DCAF17: variants seen among roughly 807,000 people sequenced by gnomAD.
DCAF17 encodes the protein DDB1- and CUL4-associated factor 17.
A neutral mutation model predicts 66.0 loss-of-function variants in DCAF17; 48 were observed. The ratio of observed to expected loss-of-function variants is 0.73; its 90% CI spans 0.58 to 0.92. The LOEUF is 0.92. DCAF17 is among the 40% of genes least tolerant of loss of function. The pLI is 0.00. For missense variants in DCAF17, 562 were observed against 622.8 expected (o/e 0.90, Z 1.04); for synonymous variants, 206 against 214.6 (o/e 0.96, Z 0.35).
At position 171,443,674 on chromosome 2, in the gene DCAF17, T is replaced by C. The variant is rs77284169; in HGVS notation, c.321+61T>C. On this transcript the variant is annotated intron_variant, in intron 3 of 13. Coordinates refer to ENST00000375255, the MANE Select transcript of DCAF17 (RefSeq NM_025000.4). ...ATTTTTAGCCTAGAAGAACCAGTTA[T>C]TATTAACATATTGCATAAAATAATA... is the stretch of plus-strand genomic sequence containing the variant. The C allele has an allele frequency of 1.2e-4, 167 of 1,354,322 alleles. No homozygotes were observed. In the African/African-American group the frequency reaches 2.0e-3, roughly 16 times the overall value. 83.9% of individuals were successfully genotyped at this position (1,354,322 alleles called of 1,614,324 possible).
chr2:171,434,470 G>T lies in DCAF17; in HGVS notation c.-108G>T, dbSNP rs993244003. On this transcript the variant is annotated 5_prime_UTR_variant, in exon 1 of 14. Coordinates refer to ENST00000375255, the MANE Select transcript of DCAF17 (RefSeq NM_025000.4). ...GTGTCAGCTTTCCCTGGGCCCCGCC[G>T]GGAAAGTCTGGGCCTCGAAATTCGA... is the stretch of plus-strand genomic sequence containing the variant. 1.3e-6 allele frequency: 2 copies of T among 1,512,340 alleles called. No individual in the cohort carries two copies. Among genetic ancestry groups the T allele is most frequent in the Middle Eastern group, 2.3e-4 (1 of 4,296 alleles). The allele number at this position is 1,512,340 out of a possible 1,614,324, so 93.7% of individuals were successfully genotyped here. A position where few individuals can be genotyped will look rare whatever the true frequency, so the allele number is the denominator to read the frequency against.
intron 3 of DCAF17, among the ~76,000 whole-genome samples, chr2:171,446,812 A>G (rs1694651671): frequency 6.6e-6 from 1 of 152,188 alleles, no homozygotes. Flanking sequence ...TTTTAGACAT[A>G]TTGAGAAAAT....
At chr2:171,474,649 C>G (rs1346292873) in intron 10 of DCAF17, among the ~76,000 whole-genome samples, 2 of 152,138 alleles carry the variant, frequency 1.3e-5, no homozygotes, top group Non-Finnish European at 2.9e-5. Flanking sequence ...CAGCCTCAAC[C>G]TCTCATCTAA....
rs977794513 is a variant in DCAF17, at chr2:171,477,795, G to A, written c.1183-192G>A. 7.9e-5 allele frequency among the ~76,000 whole-genome samples: 12 copies of A among 152,166 alleles called. No homozygotes were observed. In the South Asian group the frequency reaches 8.3e-4, roughly 10 times the overall value. On this transcript the variant is annotated intron_variant, in intron 11 of 13. Transcript: ENST00000375255. ...CGCACCACGGCACTCCAGCCTAGGC[G>A]ACAGAATGAGACCCTGTCTCAAAAT...
Position 171,484,857 on chromosome 2 carries a change from T to C in DCAF17, c.*3743T>C. ...GAAATTATACAAAATGTAATGCTTC[T>C]TTCACTTAGCATAATGTTTTTGAGA... On this transcript the variant is annotated 3_prime_UTR_variant, in exon 14 of 14. Coordinates refer to ENST00000375255, the MANE Select transcript of DCAF17 (RefSeq NM_025000.4). The C allele has an allele frequency of 2.2e-6, 1 of 454,028 alleles. No individual in the cohort carries two copies. The highest frequency in any genetic ancestry group is 1.6e-5 in the South Asian group (1 of 64,430). The allele number at this position is 454,028 out of a possible 1,614,324, so 28.1% of individuals were successfully genotyped here.
At chr2:171,462,527 A>G (rs1043503307) in intron 8 of DCAF17, among the ~76,000 whole-genome samples, 2 of 152,232 alleles carry the variant, frequency 1.3e-5, no homozygotes, top group Non-Finnish European at 2.9e-5. Flanking sequence ...ATCTCTTCAG[A>G]TTCTTAAATA....
intron 2 of DCAF17, among the ~76,000 whole-genome samples, chr2:171,441,664 G>A (rs1270732799): frequency 6.6e-6 from 1 of 152,246 alleles, no homozygotes; most frequent in African/African-American, 2.4e-5. Flanking sequence ...GGCTGCACCA[G>A]TCTGGAGTGG....
intron 8 of DCAF17, among the ~76,000 whole-genome samples, chr2:171,467,620 C>T (rs1303802106): frequency 6.7e-6 from 1 of 149,478 alleles, no homozygotes; most frequent in Non-Finnish European, 1.5e-5. Flanking sequence ...CTGTGTAATA[C>T]TTAGGAGGCT....
chr2:171,443,633 C>A lies in DCAF17; in HGVS notation c.321+20C>A, dbSNP rs202131890. 1.0e-5 allele frequency: 16 copies of A among 1,592,002 alleles called. No individual in the cohort carries two copies. The highest frequency in any genetic ancestry group is 1.3e-5 in the African/African-American group (1 of 74,402). On this transcript the variant is annotated intron_variant, in intron 3 of 13. Coordinates refer to ENST00000375255, the MANE Select transcript of DCAF17 (RefSeq NM_025000.4). ...CCAGTGGTAAGATTTGTTTTTAGAG[C>A]GTTTGTTTCTAAAGCATTTTTAGCC...
At position 171,474,641 on chromosome 2, in the gene DCAF17, G is replaced by A. The variant is rs549315318; in HGVS notation, c.1091+666G>A. Among the ~76,000 whole-genome samples, 23 of 152,178 alleles carry A rather than the reference G, an allele frequency of 1.5e-4. No individual in the cohort carries two copies. The South Asian group carries it at 4.8e-3, about 32-fold the overall frequency. ...TGAGAACTCCAAAATGTATATACCA[G>A]CCTCAACCTCTCATCTAAACTCATT... On this transcript the variant is annotated intron_variant, in intron 10 of 13. Coordinates refer to ENST00000375255, the MANE Select transcript of DCAF17 (RefSeq NM_025000.4).
In DCAF17 at chr2:171,466,412, A is replaced by G. The variant is rs114854121; in HGVS notation, c.839-2476A>G. Among the ~76,000 whole-genome samples, 596 of 152,104 alleles carry G rather than the reference A, an allele frequency of 3.9e-3. 2 individuals are homozygous for G. Among genetic ancestry groups the G allele is most frequent in the Non-Finnish European group, 6.1e-3 (413 of 67,972 alleles). On this transcript the variant is annotated intron_variant, in intron 8 of 13. Coordinates refer to ENST00000375255, the MANE Select transcript of DCAF17 (RefSeq NM_025000.4). The stretch of plus-strand genomic sequence containing the variant: ...CTTTTTAAGGCCCCTTTTTTTCACA[A>G]TGTAGGAAGTGGAAGCCCTTTTGCT...
Position 171,481,675 on chromosome 2 carries a change from A to G in DCAF17, c.*561A>G, listed in dbSNP as rs1277974542. On this transcript the variant is annotated 3_prime_UTR_variant, in exon 14 of 14. Coordinates refer to ENST00000375255, the MANE Select transcript of DCAF17 (RefSeq NM_025000.4). ...ATTTATATGTGTTTCGTATTTGTATATAGTATCAGGAATTGGTTCTAGTTC... is the reference window on the plus strand; with the variant it reads ...ATTTATATGTGTTTCGTATTTGTATGTAGTATCAGGAATTGGTTCTAGTTC... 3 of 453,528 alleles carry G rather than the reference A, an allele frequency of 6.6e-6. No homozygotes were observed. The highest frequency in any genetic ancestry group is 1.3e-5 in the Non-Finnish European group (3 of 226,636). 28.1% of individuals were successfully genotyped at this position (453,528 alleles called of 1,614,324 possible). A position where few individuals can be genotyped will look rare whatever the true frequency, so the allele number is the denominator to read the frequency against.
At position 171,484,919 on chromosome 2, in the gene DCAF17, C is replaced by A. The variant is rs1260009164; in HGVS notation, c.*3805C>A. The stretch of plus-strand genomic sequence containing the variant: ...TGTTGCATGTGTCAGTGATTCATTT[C>A]TTTTTATTGCTGAGTATTCTTTCGT... On this transcript the variant is annotated 3_prime_UTR_variant, in exon 14 of 14. Coordinates refer to ENST00000375255, the MANE Select transcript of DCAF17 (RefSeq NM_025000.4). The A allele has an allele frequency of 8.8e-6, 4 of 453,718 alleles. No individual in the cohort carries two copies. Among genetic ancestry groups the A allele is most frequent in the Non-Finnish European group, 1.8e-5 (4 of 226,694 alleles). The allele number at this position is 453,718 out of a possible 1,614,324, so 28.1% of individuals were successfully genotyped here.
At chr2:171,480,945 G>C in intron 13 of DCAF17, 29 bp from the exon 14 acceptor site, 1 of 1,613,194 alleles carries the variant, frequency 6.2e-7, no homozygotes, top group Non-Finnish European at 8.5e-7. Flanking sequence ...TGTGTGAAAA[G>C]GACTCCATAT....
rs899380837 is a variant in DCAF17 at position 171,481,665 on chromosome 2, G to A, written c.*551G>A. 2.0e-5 allele frequency: 9 copies of A among 453,058 alleles called. No homozygotes were observed. Among genetic ancestry groups the A allele is most frequent in the East Asian group, 1.4e-4 (2 of 14,408 alleles). 28.1% of individuals were successfully genotyped at this position (453,058 alleles called of 1,614,324 possible). A position where few individuals can be genotyped will look rare whatever the true frequency, so the allele number is the denominator to read the frequency against. ...TTATATATGTATTTATATGTGTTTC[G>A]TATTTGTATATAGTATCAGGAATTG... On this transcript the variant is annotated 3_prime_UTR_variant, in exon 14 of 14. Coordinates refer to ENST00000375255, the MANE Select transcript of DCAF17 (RefSeq NM_025000.4).
intron 3 of DCAF17, 132 bp from the exon 4 acceptor site, chr2:171,448,549 G>T: frequency 2.8e-6 from 2 of 715,556 alleles, no homozygotes; most frequent in East Asian, 2.9e-5. Flanking sequence ...TTCTCTAGTT[G>T]GGCATTTAAT....
intron 2 of DCAF17, among the ~76,000 whole-genome samples, chr2:171,438,380 T>C (rs1367753938): frequency 6.6e-6 from 1 of 152,236 alleles, no homozygotes; most frequent in Non-Finnish European, 1.5e-5. Flanking sequence ...TGATGGTACC[T>C]TTCAGTTTAA....
In DCAF17 at chr2:171,476,844, CT is replaced by C. The variant is rs1696520647; in HGVS notation, c.1092-11del. 3.8e-6 allele frequency: 6 copies of C among 1,597,390 alleles called. No individual in the cohort carries two copies. Among genetic ancestry groups the C allele is most frequent in the African/African-American group, 1.3e-5 (1 of 74,658 alleles). On this transcript the variant is annotated splice_polypyrimidine_tract_variant and intron_variant, in intron 10 of 13. Transcript: ENST00000375255. ...TTTGAAGTCTTAGGTTCTCAGAATC[CT>C]TTTTCCCTTCTCAGAGTTTTGAAGC...
chr2:171,457,238 T>G (rs1695312024), intron 6 of DCAF17, among the ~76,000 whole-genome samples: 1 of 152,264 alleles, frequency 6.6e-6, no homozygotes, highest in Non-Finnish European at 1.5e-5. Context: ...TACTTATGTT[T>G]GCTTATTACA....
Sources: gnomAD v4.1 joint callset for allele counts (sites outside exome capture counted in the v4.1 genomes callset) on GRCh38, gnomAD v4.1.1 for gene constraint, MANE v1.5 for transcripts, NCBI Gene and HGNC (gene_info 2026-07-23, HGNC 2026-07-21) for gene names.